Variants in PCDHA3 observed in about 807,000 individuals in gnomAD.
PCDHA3 encodes the protein protocadherin alpha-3.
Under a neutral mutation model 62.2 loss-of-function variants are expected in PCDHA3, and 41 were observed. The observed-to-expected ratio is 0.66, with a 90% CI of 0.51 to 0.86. The LOEUF (loss-of-function observed/expected upper bound fraction) is 0.86. PCDHA3 is among the 40% of genes least tolerant of loss of function. The pLI, the probability that PCDHA3 is intolerant of heterozygous loss-of-function variation, is 0.00. For missense variants in PCDHA3, 1,304 were observed against 1,241.2 expected, an observed-to-expected ratio of 1.05 and a Z score of -0.76; for synonymous variants, 640 against 555.4, an observed-to-expected ratio of 1.15 and a Z score of -2.14.
At chr5:140,835,902 T>A (rs1774035162) in intron 1 of PCDHA3, 3 of 1,612,038 alleles carry the variant, frequency 1.9e-6, no homozygotes, top group Non-Finnish European at 2.5e-6. Flanking sequence ...GCTGTCGAGC[T>A]ACGTGTCAGT....
In PCDHA3 at chr5:140,803,384, A is replaced by C. The variant is rs782777686; in HGVS notation, c.2187A>C (p.Glu729Asp). 1 of 1,614,208 alleles carries C rather than the reference A, an allele frequency of 6.2e-7. No homozygotes were observed. The highest frequency in any genetic ancestry group is 8.5e-7 in the Non-Finnish European group (1 of 1,180,026). The change falls in exon 1 of 4, where the codon GAA becomes GAC. Residue 729 changes from glutamate (E) to aspartate (D), a missense_variant. Glu to Asp is a conservative substitution (Grantham distance 45, BLOSUM62 2). Transcript: ENST00000522353. ...TGCGGTGCTCCGCGCCGCCAACCGA[A>C]GGCGACTGTGGGCCGGGCAAGCCCA... is the stretch of plus-strand genomic sequence containing the variant. ...TALRCSAPPT[E>D]GDCGPGKPTL...
intron 3 of PCDHA3, among the ~76,000 whole-genome samples, chr5:140,989,478 G>A (rs1319813384): frequency 2.0e-5 from 3 of 152,204 alleles, no homozygotes; most frequent in Admixed American, 6.5e-5. Context: ...CTCCTGGGAG[G>A]TGCTTGAACA....
intron 1 of PCDHA3, among the ~76,000 whole-genome samples, chr5:140,872,369 G>A (rs192689204): frequency 1.3e-4 from 20 of 152,274 alleles, no homozygotes; most frequent in Admixed American, 1.2e-3. Context: ...GTTCAGGCCT[G>A]TAATCCCAGC....
rs192756440 is a variant in PCDHA3, at chr5:140,876,883, G to C, written c.2394+73292G>C. On this transcript the variant is annotated intron_variant, in intron 1 of 3. Coordinates refer to ENST00000522353, the MANE Select transcript of PCDHA3 (RefSeq NM_018906.3). Reference sequence around the variant, plus strand: ...GTTCGTGAAGGAGAACAACCCGCCGGGCTGCCACATCTTCACGGTGTCGGC... The same window carrying C: ...GTTCGTGAAGGAGAACAACCCGCCGCGCTGCCACATCTTCACGGTGTCGGC... The C allele has an allele frequency of 2.2e-3, 3,631 of 1,614,132 alleles. 14 individuals are homozygous for C. Among genetic ancestry groups the C allele is most frequent in the Middle Eastern group, 9.1e-3 (55 of 6,048 alleles).
At chr5:140,870,502 A>G (rs781840750) in intron 1 of PCDHA3, 15 of 1,614,222 alleles carry the variant, frequency 9.3e-6, no homozygotes, top group Non-Finnish European at 1.2e-5. Context: ...GAAGGAGAAC[A>G]ACCCACCAGG....
At position 140,856,908 on chromosome 5, in the gene PCDHA3, C is replaced by G. The variant is rs1319775845; in HGVS notation, c.2394+53317C>G. 7 of 1,595,460 alleles carry G rather than the reference C, an allele frequency of 4.4e-6. 1 individual carries two copies. The African/African-American group carries it at 9.4e-5, about 22-fold the overall frequency. On this transcript the variant is annotated intron_variant, in intron 1 of 3. Coordinates refer to ENST00000522353, the MANE Select transcript of PCDHA3 (RefSeq NM_018906.3). ...TCATTTAGCTCTTTGGTCCCACCCA[C>G]GATAAGAAGGAAATTTTGGATAAAC...
chr5:140,941,446 G>C (rs1241311664), intron 1 of PCDHA3, among the ~76,000 whole-genome samples: 1 of 150,694 alleles, frequency 6.6e-6, no homozygotes, highest in African/African-American at 2.4e-5. Flanking sequence ...CTCGGGAGTA[G>C]CTGGGATTAC....
At position 140,809,295 on chromosome 5, in the gene PCDHA3, C is replaced by T. The variant is rs1554125121; in HGVS notation, c.2394+5704C>T. The T allele has an allele frequency of 5.6e-6, 9 of 1,613,996 alleles. No homozygotes were observed. In the Admixed American group the frequency reaches 8.3e-5, roughly 15 times the overall value. ...GATGTCAACGTATACCTGATCATTG[C>T]CATCTGCGCGGTGTCCAGCCTTTTG... On this transcript the variant is annotated intron_variant, in intron 1 of 3. Coordinates refer to ENST00000522353, the MANE Select transcript of PCDHA3 (RefSeq NM_018906.3).
At position 140,926,851 on chromosome 5, in the gene PCDHA3, T is replaced by G. The variant is rs201136210; in HGVS notation, c.2395-52098T>G. On this transcript the variant is annotated intron_variant, in intron 1 of 3. Transcript: ENST00000522353. The stretch of plus-strand genomic sequence containing the variant: ...TCCGGAGCATGGTCCTGGGTCACCG[T>G]TGGTGTAGCGTGTTGGTGGAACGTG... 3 of 1,517,102 alleles carry G rather than the reference T, an allele frequency of 2.0e-6. No homozygotes were observed. In the African/African-American group the frequency reaches 4.2e-5, roughly 21 times the overall value. The allele number at this position is 1,517,102 out of a possible 1,614,324, so 94.0% of individuals were successfully genotyped here.
At chr5:140,952,972 A>G (rs1206326487) in intron 1 of PCDHA3, among the ~76,000 whole-genome samples, 1 of 152,074 alleles carries the variant, frequency 6.6e-6, no homozygotes, top group Non-Finnish European at 1.5e-5. Context: ...CACACTTTTA[A>G]ACAACAAGAT....
In PCDHA3 at chr5:141,010,048, C is replaced by T; in HGVS notation, c.*111C>T. 4 of 1,597,434 alleles carry T rather than the reference C, an allele frequency of 2.5e-6. No homozygotes were observed. The highest frequency in any genetic ancestry group is 3.4e-6 in the Non-Finnish European group (4 of 1,172,252). Reference sequence around the variant, plus strand: ...CTATCTACATGAGCCCTCTTAGAGACCTCAGAAATCTGCAGAAAGTTCCCT... The same window carrying T: ...CTATCTACATGAGCCCTCTTAGAGATCTCAGAAATCTGCAGAAAGTTCCCT... On this transcript the variant is annotated 3_prime_UTR_variant, in exon 4 of 4. Coordinates refer to ENST00000522353, the MANE Select transcript of PCDHA3 (RefSeq NM_018906.3).
chr5:140,849,989 G>T lies in PCDHA3; in HGVS notation c.2394+46398G>T, dbSNP rs150286933. On this transcript the variant is annotated intron_variant, in intron 1 of 3. Transcript: ENST00000522353. ...TGTCCTACTCGCTGGTGGAGCGGCG[G>T]TTGGGCGAGCGCTCGCTGTCGAGCT... The T allele has an allele frequency of 5.0e-4, 791 of 1,597,330 alleles. 42 individuals carry two copies. The African/African-American group carries it at 9.7e-3, about 20-fold the overall frequency.
chr5:140,805,029 A>C, intron 1 of PCDHA3: 1 of 1,581,346 alleles, frequency 6.3e-7, no homozygotes, highest in Non-Finnish European at 8.5e-7. Flanking sequence ...CTTGAATATA[A>C]TAGAGTCAGC....
chr5:140,812,388 C>T (rs2126638236), intron 1 of PCDHA3: 2 of 152,014 alleles, frequency 1.3e-5, no homozygotes, highest in Non-Finnish European at 2.9e-5. Flanking sequence ...TTTTCTTAGT[C>T]TAGCTAAGGG....
intron 1 of PCDHA3, chr5:140,824,003 C>T: frequency 6.2e-7 from 1 of 1,614,094 alleles, no homozygotes; most frequent in African/African-American, 1.3e-5. Context: ...TGCTCCAGCG[C>T]GGTGGGGAGC....
chr5:140,924,886 A>G (rs190850675), intron 1 of PCDHA3, among the ~76,000 whole-genome samples: 11 of 137,270 alleles, frequency 8.0e-5, no homozygotes, highest in Admixed American at 3.0e-4. Context: ...CAGAGCAAGA[A>G]CCTGTCTCAA....
At chr5:140,899,201 G>T (rs1400966236) in intron 1 of PCDHA3, among the ~76,000 whole-genome samples, 5 of 151,818 alleles carry the variant, frequency 3.3e-5, no homozygotes, top group Admixed American at 6.6e-5. Context: ...CTGCCTAATT[G>T]CCCTGGCCAG....
chr5:140,808,804 T>G, intron 1 of PCDHA3: 1 of 1,612,690 alleles, frequency 6.2e-7, no homozygotes, highest in African/African-American at 1.3e-5. Context: ...CCGCTCGCGA[T>G]GCCGGCGTGC....
rs782644684 is a variant in PCDHA3 at position 140,870,861 on chromosome 5, G to C, written c.2394+67270G>C. The C allele has an allele frequency of 1.9e-6, 3 of 1,613,770 alleles. No individual in the cohort carries two copies. The African/African-American group carries it at 4.0e-5, about 22-fold the overall frequency. ...AGCTAGTACCGCGGTCGGTGGGTGC[G>C]GGCCACGTGGTGGCGAAGGTGCGCG... On this transcript the variant is annotated intron_variant, in intron 1 of 3. Coordinates refer to ENST00000522353, the MANE Select transcript of PCDHA3 (RefSeq NM_018906.3).
Sources: gnomAD v4.1 joint callset for allele counts (sites outside exome capture counted in the v4.1 genomes callset) on GRCh38, gnomAD v4.1.1 for gene constraint, MANE v1.5 for transcripts, NCBI Gene and HGNC (gene_info 2026-07-23, HGNC 2026-07-21) for gene names.